Variants in IDUA observed in about 807,000 individuals in gnomAD.
IDUA encodes alpha-L-iduronidase.
IDUA carries 65 observed loss-of-function variants against 68.9 expected under a neutral mutation model. That is an observed-to-expected ratio of 0.94 (90% CI 0.77 to 1.16). The LOEUF (loss-of-function observed/expected upper bound fraction) is 1.16, where lower values mean the gene tolerates loss of function less well. IDUA is among the 50% of genes most tolerant of loss of function. The pLI, the probability that IDUA is intolerant of heterozygous loss-of-function variation, is 0.00. For synonymous variants in IDUA, 529 were observed against 433.6 expected, an observed-to-expected ratio of 1.22 and a Z score of -2.73; for missense variants, 1,046 against 938.0, an observed-to-expected ratio of 1.12 and a Z score of -1.50.
Position 987,199 on chromosome 4 carries a change from G to A in IDUA, c.115G>A (p.Ala39Thr). The change falls in exon 1 of 14, where the codon GCG becomes ACG. Residue 39 changes from alanine (A) to threonine (T), a missense_variant. Physicochemically the swap from Ala to Thr is moderately conservative, Grantham distance 58. Coordinates refer to ENST00000514224, the MANE Select transcript of IDUA (RefSeq NM_000203.5). ...PHLVHVDAAR[A>T]LWPLRRFWRS... ...CCTGGTGCATGTGGACGCGGCCCGC[G>A]CGCTGTGGCCCCTGCGGCGCTTCTG... is the stretch of plus-strand genomic sequence containing the variant. The A allele has an allele frequency of 6.8e-7, 1 of 1,477,894 alleles. No homozygotes were observed. The highest frequency in any genetic ancestry group is 8.9e-7 in the Non-Finnish European group (1 of 1,120,820). The allele number at this position is 1,477,894 out of a possible 1,614,324, so 91.5% of individuals were successfully genotyped here.
At chr4:989,858 C>T in intron 2 of IDUA, 2 of 1,576,700 alleles carry the variant, frequency 1.3e-6, no homozygotes, top group Non-Finnish European at 1.7e-6. Flanking sequence ...GCGAACATCT[C>T]CGCCAGCGAG....
Position 1,002,343 on chromosome 4 carries a change from C to A in IDUA, c.1047C>A (p.Asp349Glu). The change falls in exon 8 of 14, where the codon GAC becomes GAA. Residue 349 changes from aspartate to glutamate, a missense_variant. By Grantham distance (45) the Asp-to-Glu change is conservative. Coordinates refer to ENST00000514224, the MANE Select transcript of IDUA (RefSeq NM_000203.5). Reference sequence around the variant, plus strand: ...TCCCCTACGCGCTCCTGAGCAACGACAATGCCTTCCTGAGCTACCACCCGC... The same window carrying A: ...TCCCCTACGCGCTCCTGAGCAACGAAAATGCCTTCCTGAGCTACCACCCGC... Reference protein sequence around the residue: ...SAFPYALLSNDNAFLSYHPHP... With the variant: ...SAFPYALLSNENAFLSYHPHP... 6.2e-7 allele frequency: 1 copy of A among 1,613,234 alleles called. No individual in the cohort carries two copies. Among genetic ancestry groups the A allele is most frequent in the Non-Finnish European group, 8.5e-7 (1 of 1,179,720 alleles).
chr4:987,364 G>A (rs1713814395), intron 1 of IDUA, 122 bp downstream of exon 1: 1 of 1,013,696 alleles, frequency 9.9e-7, no homozygotes, highest in Non-Finnish European at 1.4e-6. Context: ...TGGCTCTCCC[G>A]GGCCCGCCCC....
intron 2 of IDUA, chr4:989,178 A>G: frequency 9.3e-6 from 15 of 1,607,400 alleles, no homozygotes; most frequent in Non-Finnish European, 1.3e-5. Flanking sequence ...CGCCCTGGGC[A>G]GGGCCTCCCT....
At chr4:1,001,304 A>T (rs1054678534) in intron 4 of IDUA, 164 bp from the exon 5 acceptor site, 1 of 720,828 alleles carries the variant, frequency 1.4e-6, no homozygotes, top group South Asian at 1.6e-5. Flanking sequence ...CAGGTCTTGG[A>T]CCCCCTTGAG....
At chr4:999,983 T>C (rs1438140842) in intron 2 of IDUA, 2 of 143,146 alleles carry the variant, frequency 1.4e-5, no homozygotes, top group African/African-American at 5.3e-5. Flanking sequence ...CATCTGCAAG[T>C]GCAGTGGCAG....
intron 2 of IDUA, chr4:988,259 G>A: frequency 8.1e-7 from 1 of 1,234,432 alleles, no homozygotes; most frequent in Non-Finnish European, 1.0e-6. Context: ...TAGGGCCACT[G>A]CACCTGAGGG....
In IDUA at chr4:1,001,020, C is replaced by T. The variant is rs753488998; in HGVS notation, c.493+31C>T. On this transcript the variant is annotated intron_variant, in intron 4 of 13. Coordinates refer to ENST00000514224, the MANE Select transcript of IDUA (RefSeq NM_000203.5). Reference sequence around the variant, plus strand: ...CGAGCGCAGGCCCTGGGGCCCTGGCCGGGGCGGGGGTACTCCTGGGCAGGT... The same window carrying T: ...CGAGCGCAGGCCCTGGGGCCCTGGCTGGGGCGGGGGTACTCCTGGGCAGGT... 2.4e-5 allele frequency: 37 copies of T among 1,513,422 alleles called. No homozygotes were observed. Among genetic ancestry groups the T allele is most frequent in the South Asian group, 1.2e-4 (11 of 88,890 alleles). 93.7% of individuals were successfully genotyped at this position (1,513,422 alleles called of 1,614,324 possible).
intron 2 of IDUA, among the ~76,000 whole-genome samples, chr4:998,026 C>T (rs1452465109): frequency 2.0e-5 from 3 of 152,240 alleles, no homozygotes; most frequent in Non-Finnish European, 2.9e-5. Flanking sequence ...ACTCCAACTC[C>T]GTGGGACTTT....
chr4:1,001,855 C>T lies in IDUA; in HGVS notation c.766C>T (p.Leu256=). 6.3e-7 allele frequency: 1 copy of T among 1,594,996 alleles called. No homozygotes were observed. Among genetic ancestry groups the T allele is most frequent in the Non-Finnish European group, 8.5e-7 (1 of 1,172,604 alleles). Residue 256 remains leucine (L), a synonymous_variant, in exon 6 of 14, where the codon CTG becomes TTG. Coordinates refer to ENST00000514224, the MANE Select transcript of IDUA (RefSeq NM_000203.5). ...CTTCACTGGGGAGGCGGGCGTGCGGCTGGACTACATCTCCCTCCACAGGAA... is the reference window on the plus strand; with the variant it reads ...CTTCACTGGGGAGGCGGGCGTGCGGTTGGACTACATCTCCCTCCACAGGAA... ...NFFTGEAGVR[L]DYISLHRKGA...
At chr4:988,378 C>T (rs1325090211) in intron 2 of IDUA, 3 of 1,063,994 alleles carry the variant, frequency 2.8e-6, no homozygotes, top group Non-Finnish European at 2.3e-6. Flanking sequence ...GTGTGTGGGG[C>T]CTTCTGGAAA....
intron 2 of IDUA, among the ~76,000 whole-genome samples, chr4:996,326 C>T (rs1029031297): frequency 1.3e-5 from 2 of 152,184 alleles, no homozygotes; most frequent in Non-Finnish European, 2.9e-5. Context: ...TGGGGAGACC[C>T]AGGGGGCTGG....
intron 2 of IDUA, chr4:989,382 C>A: frequency 1.9e-6 from 3 of 1,576,048 alleles, no homozygotes; most frequent in Non-Finnish European, 2.6e-6. Flanking sequence ...CGTAGAAGGC[C>A]GTGTCCCCGA....
At chr4:998,721 A>AAGC (rs1714888746) in intron 2 of IDUA, among the ~76,000 whole-genome samples, 1 of 151,724 alleles carries the variant, frequency 6.6e-6, no homozygotes, top group Non-Finnish European at 1.5e-5. Context: ...GTCTCACTCC[A>AAGC]AGCTCATCCA....
intron 2 of IDUA, chr4:992,138 CAT>C: frequency 4.2e-6 from 2 of 480,248 alleles, no homozygotes; most frequent in Non-Finnish European, 4.1e-6. Context: ...CCACCACGCA[CAT>C]GTGCCTACCG....
rs1277918027 is a variant in IDUA at position 987,051 on chromosome 4, C to T, written c.-34C>T. 6.6e-7 allele frequency: 1 copy of T among 1,517,306 alleles called. No individual in the cohort carries two copies. Among genetic ancestry groups the T allele is most frequent in the Non-Finnish European group, 8.8e-7 (1 of 1,140,974 alleles). 94.0% of individuals were successfully genotyped at this position (1,517,306 alleles called of 1,614,324 possible). A position where few individuals can be genotyped will look rare whatever the true frequency, so the allele number is the denominator to read the frequency against. On this transcript the variant is annotated 5_prime_UTR_variant, in exon 1 of 14. Transcript: ENST00000514224. ...CCCGGAGGCGGAACCGGCAGTGCAGCCCGAAGCCCCGCAGTCCCCGAGCAC... is the reference window on the plus strand; with the variant it reads ...CCCGGAGGCGGAACCGGCAGTGCAGTCCGAAGCCCCGCAGTCCCCGAGCAC...
rs1000704882 is a variant in IDUA at position 988,146 on chromosome 4, G to A, written c.299+197G>A. ...AGGGAGCCCCTGCATGGGGCACGGTGGGCTTCCTGCAGGTCTCCCTGCAGG... is the reference window on the plus strand; with the variant it reads ...AGGGAGCCCCTGCATGGGGCACGGTAGGCTTCCTGCAGGTCTCCCTGCAGG... On this transcript the variant is annotated intron_variant, in intron 2 of 13. Transcript: ENST00000514224. 7 of 1,403,844 alleles carry A rather than the reference G, an allele frequency of 5.0e-6. No homozygotes were observed. The African/African-American group carries it at 8.7e-5, about 17-fold the overall frequency. 87.0% of individuals were successfully genotyped at this position (1,403,844 alleles called of 1,614,324 possible). A position where few individuals can be genotyped will look rare whatever the true frequency, so the allele number is the denominator to read the frequency against.
intron 2 of IDUA, chr4:991,869 C>A (rs1315048290): frequency 6.8e-7 from 1 of 1,481,390 alleles, no homozygotes; most frequent in Admixed American, 2.0e-5. Flanking sequence ...CTTCTCCTGG[C>A]AGCGCGGGCC....
At chr4:999,920 T>C (rs529403148) in intron 2 of IDUA, 1 of 109,464 alleles carries the variant, frequency 9.1e-6, no homozygotes. Context: ...GGCCCCCTTC[T>C]CCCTTGAGGA....
Sources: gnomAD v4.1 joint callset for allele counts (sites outside exome capture counted in the v4.1 genomes callset) on GRCh38, gnomAD v4.1.1 for gene constraint, MANE v1.5 for transcripts, NCBI Gene and HGNC (gene_info 2026-07-23, HGNC 2026-07-21) for gene names.